The following ULK4 variants were observed in gnomAD, a reference collection of about 807,000 sequenced individuals.
ULK4 encodes unc-51 like kinase 4, also known as inactive serine/threonine-protein kinase ULK4.
A neutral mutation model predicts 160.6 loss-of-function variants in ULK4; 133 were observed. The observed-to-expected ratio is 0.83, with a 90% CI of 0.72 to 0.96. ULK4 has a LOEUF of 0.96. Among genes scored for constraint, ULK4 ranks in the 40% least tolerant of loss-of-function variants. The pLI is 0.00. For missense variants in ULK4, 1,580 were observed against 1,499.5 expected, an observed-to-expected ratio of 1.05 and a Z score of -0.89; for synonymous variants, 534 against 539.8, an observed-to-expected ratio of 0.99 and a Z score of 0.15.
At chr3:41,589,170 A>G (rs888006403) in intron 31 of ULK4, among the ~76,000 whole-genome samples, 5 of 152,156 alleles carry the variant, frequency 3.3e-5, no homozygotes, top group African/African-American at 4.8e-5. Flanking sequence ...AGAGAAAAAA[A>G]TAAGTGAGGT....
At chr3:41,751,354 C>A (rs187217077) in intron 22 of ULK4, among the ~76,000 whole-genome samples, 270 of 152,270 alleles carry the variant, frequency 1.8e-3, no homozygotes, top group Non-Finnish European at 2.7e-3. Context: ...TTAGACCCTG[C>A]AGAAGCTCCA....
Position 41,880,474 on chromosome 3 carries a change from C to G in ULK4, c.1656+3400G>C, listed in dbSNP as rs562892144. Among the ~76,000 whole-genome samples, 3 of 152,222 alleles carry G rather than the reference C, an allele frequency of 2.0e-5. No individual in the cohort carries two copies. The South Asian group carries it at 6.2e-4, about 32-fold the overall frequency. ...TAGATTTTTGCTCCATTTTTTCTGT[C>G]TCTTTATAACAAATTATACCATCAT... On this transcript the variant is annotated intron_variant, in intron 17 of 36. Transcript: ENST00000301831.
intron 30 of ULK4, among the ~76,000 whole-genome samples, chr3:41,642,158 C>A (rs1438209235): frequency 1.3e-5 from 2 of 152,040 alleles, no homozygotes; most frequent in Non-Finnish European, 2.9e-5. Context: ...ACAGGCGTGA[C>A]CCACTGCGCC....
intron 35 of ULK4, among the ~76,000 whole-genome samples, chr3:41,376,955 C>T (rs1480481049): frequency 1.5e-4 from 23 of 150,330 alleles, no homozygotes; most frequent in African/African-American, 4.9e-4. Context: ...GGAGGCATCA[C>T]ACTACCTGAC....
rs200199643 is a variant in ULK4, at chr3:41,883,908, G to A, written c.1622C>T (p.Thr541Ile). ...AGGTGTATTTTCCTGGAGCTCAGCT[G>A]TGTGCGAAGCCAGTAAACCAATTAC... Reference protein sequence around the residue: ...AHVIGLLASHTAELQENTPVV... With the variant: ...AHVIGLLASHIAELQENTPVV... The change falls in exon 17 of 37, where the codon ACA (threonine) becomes ATA (isoleucine). Residue 541 changes from threonine to isoleucine, a missense_variant. Coordinates refer to ENST00000301831, the MANE Select transcript of ULK4 (RefSeq NM_017886.4). 1.6e-5 allele frequency: 26 copies of A among 1,609,914 alleles called. No homozygotes were observed. In the African/African-American group the frequency reaches 3.3e-4, roughly 21 times the overall value.
At position 41,909,616 on chromosome 3, in the gene ULK4, GA is replaced by G. The variant is rs761880864; in HGVS notation, c.1086-1676del. 1.7e-4 allele frequency among the ~76,000 whole-genome samples: 26 copies of G among 152,062 alleles called. No individual in the cohort carries two copies. The East Asian group carries it at 4.9e-3, about 29-fold the overall frequency. On this transcript the variant is annotated intron_variant, in intron 11 of 36. Transcript: ENST00000301831. ...TGTAATCCCAACCACTTGGGAGGCTGAGACATGAGAATCGCTTGAACCAGGG... is the reference window on the plus strand; with the variant it reads ...TGTAATCCCAACCACTTGGGAGGCTGGACATGAGAATCGCTTGAACCAGGG...
At chr3:41,840,720 G>T (rs991355160) in intron 17 of ULK4, among the ~76,000 whole-genome samples, 3 of 152,194 alleles carry the variant, frequency 2.0e-5, no homozygotes, top group Non-Finnish European at 1.5e-5. Flanking sequence ...ATCTCAGATC[G>T]CCACAACCTC....
chr3:41,908,677 C>T (rs1698664636), intron 11 of ULK4, among the ~76,000 whole-genome samples: 1 of 152,062 alleles, frequency 6.6e-6, no homozygotes, highest in Non-Finnish European at 1.5e-5. Context: ...AACTCCCGAC[C>T]TCATGATCCA....
At chr3:41,510,471 G>GA (rs1474885267) in intron 32 of ULK4, among the ~76,000 whole-genome samples, 4 of 151,948 alleles carry the variant, frequency 2.6e-5, no homozygotes, top group East Asian at 1.9e-4. Flanking sequence ...CTATACCCTA[G>GA]AAAAAATGTA....
intron 21 of ULK4, among the ~76,000 whole-genome samples, chr3:41,789,226 A>T (rs1333477972): frequency 6.6e-6 from 1 of 152,230 alleles, no homozygotes; most frequent in Non-Finnish European, 1.5e-5. Flanking sequence ...GGTTAAAAAC[A>T]GAATGGGGGC....
chr3:41,824,736 G>C (rs561352533), intron 18 of ULK4, among the ~76,000 whole-genome samples: 2 of 152,286 alleles, frequency 1.3e-5, no homozygotes, highest in South Asian at 2.1e-4. Flanking sequence ...TCCACCTCTG[G>C]GGGCAGGGCA....
At chr3:41,874,860 A>G (rs1697242077) in intron 17 of ULK4, among the ~76,000 whole-genome samples, 1 of 152,254 alleles carries the variant, frequency 6.6e-6, no homozygotes, top group Non-Finnish European at 1.5e-5. Flanking sequence ...TGAAATAAAA[A>G]ATATATATTA....
At chr3:41,300,871 A>C (rs1240931496) in intron 35 of ULK4, among the ~76,000 whole-genome samples, 5 of 107,704 alleles carry the variant, frequency 4.6e-5, no homozygotes, top group African/African-American at 2.1e-4. Context: ...ATATATATAT[A>C]TATATATATA....
At chr3:41,898,802 T>C (rs2148789681) in intron 13 of ULK4, among the ~76,000 whole-genome samples, 1 of 152,354 alleles carries the variant, frequency 6.6e-6, no homozygotes, top group South Asian at 2.1e-4. Context: ...CAAATATCTA[T>C]TGGGTACCTG....
chr3:41,642,437 G>A (rs1414479072), intron 30 of ULK4, among the ~76,000 whole-genome samples: 1 of 152,072 alleles, frequency 6.6e-6, no homozygotes, highest in African/African-American at 2.4e-5. Context: ...AGAACATGCA[G>A]TGTTTGGTTT....
At chr3:41,790,891 G>A (rs2040132132) in intron 20 of ULK4, among the ~76,000 whole-genome samples, 2 of 152,118 alleles carry the variant, frequency 1.3e-5, no homozygotes. Context: ...TCCAAAGAGA[G>A]AAATAAGCTT....
intron 35 of ULK4, among the ~76,000 whole-genome samples, chr3:41,289,037 C>T (rs1003434992): frequency 9.9e-5 from 15 of 152,176 alleles, no homozygotes; most frequent in Non-Finnish European, 1.8e-4. Context: ...CAGAGCGCCA[C>T]GGGGAGCGGC....
At chr3:41,765,400 G>A (rs1167656270) in intron 21 of ULK4, among the ~76,000 whole-genome samples, 1 of 152,082 alleles carries the variant, frequency 6.6e-6, no homozygotes, top group Non-Finnish European at 1.5e-5. Flanking sequence ...ACACACCGGG[G>A]CCTGTCATGG....
chr3:41,421,563 A>G (rs1364708541), intron 34 of ULK4, among the ~76,000 whole-genome samples: 1 of 152,218 alleles, frequency 6.6e-6, no homozygotes, highest in Non-Finnish European at 1.5e-5. Context: ...ATTTCTTAAA[A>G]TATTAGATGA....
Sources: gnomAD v4.1 joint callset for allele counts (sites outside exome capture counted in the v4.1 genomes callset) on GRCh38, gnomAD v4.1.1 for gene constraint, MANE v1.5 for transcripts, NCBI Gene and HGNC (gene_info 2026-07-23, HGNC 2026-07-21) for gene names.